CTNNA2: variants seen among roughly 807,000 people sequenced by gnomAD.
The protein encoded by CTNNA2 is catenin alpha-2.
In CTNNA2, 42 loss-of-function variants were observed where a neutral mutation model predicts 101.0. The ratio of observed to expected loss-of-function variants is 0.42; its 90% CI spans 0.32 to 0.54. The LOEUF is 0.54. CTNNA2 is among the 20% of genes least tolerant of loss of function. The probability of loss-of-function intolerance (pLI) is 0.14; values close to 1 mark genes in which losing one functional copy is unlikely to be tolerated. For missense variants in CTNNA2, 871 were observed against 1,223.1 expected, an observed-to-expected ratio of 0.71 and a Z score of 4.29; for synonymous variants, 450 against 456.4, an observed-to-expected ratio of 0.99 and a Z score of 0.18.
rs186260020 is a variant in CTNNA2 at position 79,345,701 on chromosome 2, T to C, written c.-317-28130T>C. On this transcript the variant is annotated intron_variant, in intron 3 of 21. Transcript: ENST00000466387. ...TCTGTTTTGTTTTTTGTGGGTTGTTTGTCTGTTTTGAGACAGAGTTTCACT... is the reference window on the plus strand; with the variant it reads ...TCTGTTTTGTTTTTTGTGGGTTGTTCGTCTGTTTTGAGACAGAGTTTCACT... Among the ~76,000 whole-genome samples the C allele has an allele frequency of 2.6e-3, 394 of 152,234 alleles. 1 individual carries two copies. Among genetic ancestry groups the C allele is most frequent in the Non-Finnish European group, 4.1e-3 (277 of 68,018 alleles).
intron 7 of CTNNA2, among the ~76,000 whole-genome samples, chr2:79,923,808 T>C (rs754695873): frequency 6.6e-6 from 1 of 152,166 alleles, no homozygotes; most frequent in Non-Finnish European, 1.5e-5. Flanking sequence ...TGGGATCCGC[T>C]TTTGTAGATT....
At chr2:80,450,909 TCATA>T (rs1683447602) in intron 9 of CTNNA2, among the ~76,000 whole-genome samples, 1 of 152,172 alleles carries the variant, frequency 6.6e-6, no homozygotes, top group African/African-American at 2.4e-5. Context: ...TATTTCTATT[TCATA>T]GTCTTTTTGT....
intron 3 of CTNNA2, among the ~76,000 whole-genome samples, chr2:79,810,735 T>A (rs1457829182): frequency 6.6e-6 from 1 of 151,314 alleles, no homozygotes; most frequent in Non-Finnish European, 1.5e-5. Flanking sequence ...TGTCCATGTG[T>A]TCTCATTTTT....
chr2:79,791,788 G>T (rs1233626704), intron 3 of CTNNA2, among the ~76,000 whole-genome samples: 4 of 152,162 alleles, frequency 2.6e-5, no homozygotes, highest in African/African-American at 9.7e-5. Flanking sequence ...ACTTCTAGGG[G>T]CTGCAAATTC....
In CTNNA2 at chr2:80,090,144, C is replaced by CTG. The variant is rs1436115414; in HGVS notation, c.1056+180348_1056+180349insGT. 1.8e-3 allele frequency among the ~76,000 whole-genome samples: 160 copies of CTG among 86,660 alleles called. No individual in the cohort carries two copies. The South Asian group carries it at 0.032, about 17-fold the overall frequency. The allele number at this position is 86,660 out of a possible 152,430, so 56.9% of individuals were successfully genotyped here. On this transcript the variant is annotated intron_variant, in intron 7 of 18. Transcript: ENST00000402739. ...AGAAAGGAAGTTTCACTCTCTCTCTCTCTGTGTGTGTGTGTGTGTGTGTGT... is the reference window on the plus strand; with the variant it reads ...AGAAAGGAAGTTTCACTCTCTCTCTCTGTCTGTGTGTGTGTGTGTGTGTGTGT...
chr2:79,387,465 G>A (rs1042698506), intron 4 of CTNNA2, among the ~76,000 whole-genome samples: 4 of 152,194 alleles, frequency 2.6e-5, no homozygotes, highest in Non-Finnish European at 5.9e-5. Context: ...AGAAGAAAGA[G>A]CCAGAATCAA....
intron 8 of CTNNA2, among the ~76,000 whole-genome samples, chr2:80,400,822 A>G (rs1174673020): frequency 1.3e-5 from 2 of 152,168 alleles, no homozygotes; most frequent in South Asian, 4.1e-4. Context: ...CACACAAAAG[A>G]TGGCCATGGC....
rs185397981 is a variant in CTNNA2, at chr2:80,589,631, T to C, written c.2189+146T>C. 1.7e-4 allele frequency: 117 copies of C among 684,656 alleles called. No individual in the cohort carries two copies. In the African/African-American group the frequency reaches 1.8e-3, roughly 11 times the overall value. 42.4% of individuals were successfully genotyped at this position (684,656 alleles called of 1,614,324 possible). On this transcript the variant is annotated intron_variant, in intron 15 of 18. Transcript: ENST00000402739. ...ATAAATTTACATGTATAAGTCAAAATGATCTGCACTTAATTCCTAGCAGAT... is the reference window on the plus strand; with the variant it reads ...ATAAATTTACATGTATAAGTCAAAACGATCTGCACTTAATTCCTAGCAGAT...
intron 4 of CTNNA2, among the ~76,000 whole-genome samples, chr2:79,391,371 T>C (rs11883991): frequency 0.036 from 5,444 of 152,292 alleles, 305 homozygotes; most frequent in African/African-American, 0.12. Context: ...AAATATATTT[T>C]CTTTCTTTAT....
At chr2:80,235,130 G>C (rs757778448) in intron 7 of CTNNA2, among the ~76,000 whole-genome samples, 2 of 151,996 alleles carry the variant, frequency 1.3e-5, no homozygotes, top group African/African-American at 2.4e-5. Context: ...TTTAAGCTTT[G>C]TGATTTTTTT....
chr2:80,318,438 G>C (rs1451147775), intron 7 of CTNNA2, among the ~76,000 whole-genome samples: 1 of 152,058 alleles, frequency 6.6e-6, no homozygotes, highest in Admixed American at 6.5e-5. Context: ...GGATAGTTAT[G>C]TTTAGGTTTG....
chr2:80,387,438 G>A (rs1677121932), intron 7 of CTNNA2, among the ~76,000 whole-genome samples: 1 of 152,148 alleles, frequency 6.6e-6, no homozygotes, highest in Non-Finnish European at 1.5e-5. Context: ...TTTCAGAAGG[G>A]GTGATGGGTA....
In CTNNA2 at chr2:80,094,482, A is replaced by C. The variant is rs191863049; in HGVS notation, c.1056+184685A>C. On this transcript the variant is annotated intron_variant, in intron 7 of 18. Transcript: ENST00000402739. ...TCCTTTGGCTTAGGATTGACTTGGC[A>C]ATGCGGGCTCTTTTTTGGTTCCATA... is the stretch of plus-strand genomic sequence containing the variant. Among the ~76,000 whole-genome samples the C allele has an allele frequency of 2.3e-3, 355 of 152,218 alleles. 2 individuals are homozygous for C. The highest frequency in any genetic ancestry group is 3.9e-3 in the Non-Finnish European group (267 of 67,998).
intron 3 of CTNNA2, among the ~76,000 whole-genome samples, chr2:79,342,684 T>C (rs1208110126): frequency 3.3e-5 from 5 of 152,156 alleles, no homozygotes; most frequent in African/African-American, 1.2e-4. Flanking sequence ...TTTATTAAGA[T>C]TGGTTTATAG....
intron 1 of CTNNA2, among the ~76,000 whole-genome samples, chr2:79,565,861 G>A (rs749910806): frequency 1.3e-5 from 2 of 152,046 alleles, no homozygotes; most frequent in Admixed American, 6.6e-5. Flanking sequence ...GTTTATTGAT[G>A]CATAAATGGT....
chr2:80,531,832 T>A (rs1690571424), intron 9 of CTNNA2, among the ~76,000 whole-genome samples: 1 of 152,222 alleles, frequency 6.6e-6, no homozygotes, highest in Non-Finnish European at 1.5e-5. Context: ...GCTATGACGA[T>A]GCTTTGGCAT....
chr2:79,249,198 A>G (rs1268969590), intron 2 of CTNNA2, among the ~76,000 whole-genome samples: 4 of 152,234 alleles, frequency 2.6e-5, no homozygotes, highest in Non-Finnish European at 4.4e-5. Flanking sequence ...CTCCTGACAC[A>G]TAGCTAATTT....
chr2:79,429,490 T>C (rs1288155053), intron 4 of CTNNA2, among the ~76,000 whole-genome samples: 1 of 152,194 alleles, frequency 6.6e-6, no homozygotes, highest in Non-Finnish European at 1.5e-5. Context: ...TTTTATCATA[T>C]CACTTTTACG....
intron 4 of CTNNA2, among the ~76,000 whole-genome samples, chr2:79,459,214 T>C (rs535043651): frequency 2.0e-5 from 3 of 152,116 alleles, no homozygotes; most frequent in Non-Finnish European, 4.4e-5. Context: ...ATTCAACATC[T>C]AAGACAAACA....
Sources: gnomAD v4.1 joint callset for allele counts (sites outside exome capture counted in the v4.1 genomes callset) on GRCh38, gnomAD v4.1.1 for gene constraint, MANE v1.5 for transcripts, NCBI Gene and HGNC (gene_info 2026-07-23, HGNC 2026-07-21) for gene names.